The following SEMA5B variants were observed in gnomAD, a reference collection of about 807,000 sequenced individuals.
The protein encoded by SEMA5B is semaphorin 5B, also known as semaphorin-5B.
Under a neutral mutation model 135.0 loss-of-function variants are expected in SEMA5B, and 66 were observed. That is an observed-to-expected ratio of 0.49 (90% CI 0.40 to 0.60). SEMA5B has a LOEUF of 0.60. Ranked by LOEUF, SEMA5B falls within the 20% of genes least tolerant of loss-of-function variation. SEMA5B has a pLI of 0.00. For missense variants in SEMA5B, 1,501 were observed against 1,566.3 expected, an observed-to-expected ratio of 0.96 and a Z score of 0.70; for synonymous variants, 690 against 639.5, an observed-to-expected ratio of 1.08 and a Z score of -1.19.
In SEMA5B at chr3:122,946,391, CA is replaced by C. The variant is rs1361805001; in HGVS notation, c.328+2114del. Among the ~76,000 whole-genome samples the C allele has an allele frequency of 6.6e-5, 10 of 152,278 alleles. No individual in the cohort carries two copies. The East Asian group carries it at 1.9e-3, about 29-fold the overall frequency. ...GGTTATTCACAGCTCAGTCAGGTGT[CA>C]GGGGAGAGGGAAACTCACAGTTACA... is the stretch of plus-strand genomic sequence containing the variant. On this transcript the variant is annotated intron_variant, in intron 3 of 22. Coordinates refer to ENST00000357599, the MANE Select transcript of SEMA5B (RefSeq NM_001031702.4).
chr3:122,920,851 C>T (rs1262026000), intron 12 of SEMA5B, among the ~76,000 whole-genome samples: 11 of 152,268 alleles, frequency 7.2e-5, no homozygotes, highest in East Asian at 1.9e-4. Context: ...AATCAGTGTT[C>T]GGGGCCTATT....
chr3:122,913,144 C>G, intron 17 of SEMA5B, 55 bp downstream of exon 17: 1 of 1,456,484 alleles, frequency 6.9e-7, no homozygotes, highest in Non-Finnish European at 9.0e-7. Context: ...CCGCCCCCGC[C>G]CTCACCGCTC....
chr3:122,935,287 C>A (rs1329617411), intron 5 of SEMA5B, among the ~76,000 whole-genome samples: 1 of 152,046 alleles, frequency 6.6e-6, no homozygotes, highest in East Asian at 1.9e-4. Context: ...AGCAAAGACT[C>A]CCTTAGTCTC....
At chr3:122,939,611 T>C (rs946755859) in intron 4 of SEMA5B, 141 bp from the exon 5 acceptor site, 3 of 643,268 alleles carry the variant, frequency 4.7e-6, no homozygotes, top group African/African-American at 3.7e-5. Context: ...GAGCTTTACC[T>C]CCATTTGCTC....
intron 1 of SEMA5B, among the ~76,000 whole-genome samples, chr3:122,963,075 C>T (rs1326859488): frequency 1.3e-5 from 2 of 152,180 alleles, no homozygotes; most frequent in Non-Finnish European, 2.9e-5. Context: ...AGCTGCATCC[C>T]TCCTACATAC....
intron 2 of SEMA5B, among the ~76,000 whole-genome samples, chr3:122,956,426 A>G (rs1321137504): frequency 6.6e-6 from 1 of 152,158 alleles, no homozygotes; most frequent in Non-Finnish European, 1.5e-5. Flanking sequence ...GATTAGGAAG[A>G]GGGTTTGCTG....
intron 1 of SEMA5B, among the ~76,000 whole-genome samples, chr3:122,992,507 T>C (rs981989458): frequency 1.2e-4 from 19 of 152,054 alleles, no homozygotes; most frequent in Non-Finnish European, 8.8e-5. Context: ...TTTAGACACA[T>C]CTCTACCCAA....
intron 12 of SEMA5B, among the ~76,000 whole-genome samples, chr3:122,921,212 T>C (rs1938331988): frequency 6.6e-6 from 1 of 152,242 alleles, no homozygotes; most frequent in South Asian, 2.1e-4. Context: ...CTGAGTATCA[T>C]GAAAATGAGG....
chr3:122,962,094 G>C (rs1352923469), intron 1 of SEMA5B, among the ~76,000 whole-genome samples: 1 of 152,074 alleles, frequency 6.6e-6, no homozygotes, highest in East Asian at 1.9e-4. Flanking sequence ...CCTACCTCAA[G>C]GTCCTTGACT....
At chr3:122,987,250 A>G (rs1179075616) in intron 1 of SEMA5B, among the ~76,000 whole-genome samples, 1 of 152,116 alleles carries the variant, frequency 6.6e-6, no homozygotes, top group Non-Finnish European at 1.5e-5. Flanking sequence ...GAATCTACTA[A>G]ACATTGAAGA....
chr3:122,985,238 A>G (rs1192054882), intron 1 of SEMA5B, among the ~76,000 whole-genome samples: 2 of 152,336 alleles, frequency 1.3e-5, no homozygotes, highest in Admixed American at 1.3e-4. Context: ...CACACCTGTA[A>G]TCCCAGCACT....
At chr3:122,957,504 C>A (rs1940381875) in intron 2 of SEMA5B, among the ~76,000 whole-genome samples, 1 of 152,220 alleles carries the variant, frequency 6.6e-6, no homozygotes, top group African/African-American at 2.4e-5. Flanking sequence ...CCAGGGTAAC[C>A]TCACACTTCT....
At chr3:122,958,978 A>G (rs1940459432) in intron 2 of SEMA5B, among the ~76,000 whole-genome samples, 1 of 152,190 alleles carries the variant, frequency 6.6e-6, no homozygotes, top group Non-Finnish European at 1.5e-5. Context: ...GGAAGATAAA[A>G]GGAACAAGGT....
At chr3:122,943,657 A>T in intron 3 of SEMA5B, 122 bp from the exon 4 acceptor site, 1 of 646,882 alleles carries the variant, frequency 1.5e-6, no homozygotes, top group Non-Finnish European at 2.7e-6. Flanking sequence ...CACCCGGGAG[A>T]CCTGGTGCCA....
intron 2 of SEMA5B, among the ~76,000 whole-genome samples, chr3:122,959,054 G>T (rs1940464417): frequency 6.6e-6 from 1 of 152,204 alleles, no homozygotes; most frequent in South Asian, 2.1e-4. Flanking sequence ...GTACTTTATA[G>T]ATGAAGAAAC....
intron 2 of SEMA5B, among the ~76,000 whole-genome samples, chr3:122,959,490 C>G (rs1344033257): frequency 6.6e-6 from 1 of 152,204 alleles, no homozygotes. Flanking sequence ...ATCTCATAAA[C>G]ATGGTCTATA....
At chr3:122,994,050 C>T (rs1419423823) in intron 1 of SEMA5B, among the ~76,000 whole-genome samples, 2 of 152,042 alleles carry the variant, frequency 1.3e-5, no homozygotes, top group Admixed American at 6.6e-5. Flanking sequence ...AGGCTTCCTG[C>T]GGGTCCTGGG....
intron 22 of SEMA5B, among the ~76,000 whole-genome samples, chr3:122,910,515 CAAG>C (rs1054832089): frequency 6.6e-6 from 1 of 152,198 alleles, no homozygotes; most frequent in African/African-American, 2.4e-5. Context: ...TCTGCTTCTA[CAAG>C]AAGGCTCCCG....
At position 122,918,058 on chromosome 3, in the gene SEMA5B, C is replaced by A. The variant is rs532870143; in HGVS notation, c.1689-2168G>T. Among the ~76,000 whole-genome samples, 7 of 152,258 alleles carry A rather than the reference C, an allele frequency of 4.6e-5. No individual in the cohort carries two copies. The South Asian group carries it at 1.5e-3, about 32-fold the overall frequency. ...TTCAGCACTCAAAAAGGGGCATCAACCTCTTACAGGCAGCTTACGTGGCAT... is the reference window on the plus strand; with the variant it reads ...TTCAGCACTCAAAAAGGGGCATCAAACTCTTACAGGCAGCTTACGTGGCAT... On this transcript the variant is annotated intron_variant, in intron 12 of 22. Transcript: ENST00000357599.
Sources: gnomAD v4.1 joint callset for allele counts (sites outside exome capture counted in the v4.1 genomes callset) on GRCh38, gnomAD v4.1.1 for gene constraint, MANE v1.5 for transcripts, NCBI Gene and HGNC (gene_info 2026-07-23, HGNC 2026-07-21) for gene names.